CADPS: variants seen among roughly 807,000 people sequenced by gnomAD.
The protein encoded by CADPS is calcium dependent secretion activator.
A neutral mutation model predicts 167.3 loss-of-function variants in CADPS; 57 were observed. That is an observed-to-expected ratio of 0.34 (90% CI 0.28 to 0.42). The LOEUF is 0.42. CADPS is among the 20% of genes least tolerant of loss of function. The probability of loss-of-function intolerance (pLI) is 1.00; values close to 1 mark genes in which losing one functional copy is unlikely to be tolerated. For synonymous variants in CADPS, 676 were observed against 635.3 expected (o/e 1.06, Z -0.96); for missense variants, 1,414 against 1,738.1 (o/e 0.81, Z 3.32).
chr3:62,803,852 C>T (rs563773450), intron 1 of CADPS, among the ~76,000 whole-genome samples: 17 of 152,256 alleles, frequency 1.1e-4, no homozygotes, highest in South Asian at 8.3e-4. Flanking sequence ...CATCCTCTCA[C>T]CAGTGAAGCC....
At chr3:62,668,258 C>T (rs1010784374) in intron 3 of CADPS, among the ~76,000 whole-genome samples, 2 of 152,240 alleles carry the variant, frequency 1.3e-5, no homozygotes, top group African/African-American at 2.4e-5. Context: ...AATGAACCAA[C>T]TTCAGCCTCA....
chr3:62,846,233 G>A (rs972273833), intron 1 of CADPS, among the ~76,000 whole-genome samples: 5 of 152,084 alleles, frequency 3.3e-5, no homozygotes, highest in African/African-American at 4.8e-5. Flanking sequence ...CCAGTCTCAG[G>A]TAGTTATTTA....
intron 3 of CADPS, among the ~76,000 whole-genome samples, chr3:62,706,025 C>A (rs1413536845): frequency 1.3e-5 from 2 of 152,116 alleles, no homozygotes; most frequent in African/African-American, 4.8e-5. Flanking sequence ...CCTGGCTTCT[C>A]ACCCACCCTC....
intron 1 of CADPS, among the ~76,000 whole-genome samples, chr3:62,849,634 A>G (rs1038816917): frequency 1.5e-5 from 2 of 134,282 alleles, no homozygotes; most frequent in African/African-American, 5.6e-5. Context: ...AGGCCACTTG[A>G]TCATGGTGGA....
At chr3:62,850,021 G>A (rs934232292) in intron 1 of CADPS, among the ~76,000 whole-genome samples, 3 of 112,562 alleles carry the variant, frequency 2.7e-5, no homozygotes, top group East Asian at 2.4e-4. Flanking sequence ...TGTATGTGTC[G>A]AGGAATGTAT....
At chr3:62,731,835 A>AAAAAAAAAAAAAAAAGAAG (rs568495417) in intron 3 of CADPS, among the ~76,000 whole-genome samples, 21 of 110,260 alleles carry the variant, frequency 1.9e-4, no homozygotes, top group Admixed American at 3.1e-4. Context: ...AAAAAAGTAA[A>AAAAAAAAAAAAAAAAGAAG]GAAGGAAGAA....
intron 24 of CADPS, 129 bp downstream of exon 24, chr3:62,474,044 A>T (rs1032930949): frequency 3.2e-6 from 2 of 623,148 alleles, no homozygotes; most frequent in Non-Finnish European, 5.3e-6. Context: ...TCCATGGCTT[A>T]ATCCACAAAT....
intron 27 of CADPS, chr3:62,439,201 A>C (rs928156937): frequency 3.3e-5 from 5 of 152,208 alleles, no homozygotes; most frequent in Admixed American, 3.3e-4. Flanking sequence ...TTAGATCACA[A>C]AGTATCATTT....
At chr3:62,635,124 A>T (rs1318053097) in intron 6 of CADPS, among the ~76,000 whole-genome samples, 2 of 151,758 alleles carry the variant, frequency 1.3e-5, no homozygotes, top group Non-Finnish European at 2.9e-5. Flanking sequence ...GGTCTGTTTA[A>T]AGCAGGCAGG....
chr3:62,703,485 G>A (rs1486533190), intron 3 of CADPS, among the ~76,000 whole-genome samples: 1 of 152,156 alleles, frequency 6.6e-6, no homozygotes. Flanking sequence ...GGGAACGTCT[G>A]TCTACAGTCC....
chr3:62,670,657 T>C (rs2075347237), intron 3 of CADPS, among the ~76,000 whole-genome samples: 1 of 151,988 alleles, frequency 6.6e-6, no homozygotes, highest in South Asian at 2.1e-4. Flanking sequence ...GCAGCAATTT[T>C]CTGAACAAGC....
chr3:62,701,362 G>T (rs545202491), intron 3 of CADPS, among the ~76,000 whole-genome samples: 1 of 152,242 alleles, frequency 6.6e-6, no homozygotes, highest in South Asian at 2.1e-4. Context: ...CCCCACTTAA[G>T]GTACAGGTAT....
chr3:62,854,711 C>T (rs1370997755), intron 1 of CADPS, among the ~76,000 whole-genome samples: 1 of 152,062 alleles, frequency 6.6e-6, no homozygotes, highest in Admixed American at 6.6e-5. Flanking sequence ...ATCTTCTTCC[C>T]AATGTAAAAC....
intron 1 of CADPS, among the ~76,000 whole-genome samples, chr3:62,829,022 G>A (rs2074575635): frequency 6.6e-6 from 1 of 152,068 alleles, no homozygotes; most frequent in South Asian, 2.1e-4. Context: ...CTTAGTCTAG[G>A]GCTAATTATC....
chr3:62,785,951 G>A (rs1219140156), intron 1 of CADPS, among the ~76,000 whole-genome samples: 2 of 149,514 alleles, frequency 1.3e-5, no homozygotes, highest in East Asian at 3.9e-4. Context: ...GGTGACTCAA[G>A]CCTGTAATTC....
At chr3:62,677,878 C>T (rs560262547) in intron 3 of CADPS, among the ~76,000 whole-genome samples, 1 of 152,186 alleles carries the variant, frequency 6.6e-6, no homozygotes, top group South Asian at 2.1e-4. Context: ...CAAGAAGGCA[C>T]CAGGTTTGCA....
intron 5 of CADPS, among the ~76,000 whole-genome samples, chr3:62,648,048 G>A (rs868489713): frequency 6.6e-6 from 1 of 152,152 alleles, no homozygotes; most frequent in African/African-American, 2.4e-5. Context: ...CCATGCAAGT[G>A]TATAATTATG....
intron 3 of CADPS, among the ~76,000 whole-genome samples, chr3:62,707,406 G>A (rs2082524096): frequency 1.3e-5 from 2 of 152,034 alleles, no homozygotes; most frequent in South Asian, 4.2e-4. Flanking sequence ...CTGTTTTAGG[G>A]GGACAAAATT....
rs1330394044 is a variant in CADPS, at chr3:62,825,017, T to C, written c.441+49572A>G. Among the ~76,000 whole-genome samples the C allele has an allele frequency of 2.6e-5, 4 of 152,122 alleles. 1 individual carries two copies. The highest frequency in any genetic ancestry group is 2.0e-4 in the Admixed American group (3 of 15,262). On this transcript the variant is annotated intron_variant, in intron 1 of 29. Transcript: ENST00000383710. ...ACAAAGCCCCTAACCCTAAATTTGC[T>C]TTATTTTGTAAAAGAAAATCACTGT... is the stretch of plus-strand genomic sequence containing the variant.
Sources: allele counts gnomAD v4.1 joint callset (sites outside exome capture counted in the v4.1 genomes callset), GRCh38; gene constraint gnomAD v4.1.1; transcripts MANE v1.5; gene names NCBI Gene and HGNC (gene_info 2026-07-23, HGNC 2026-07-21).